The following PPP1R12B variants were observed in gnomAD, a reference collection of about 807,000 sequenced individuals.
The protein encoded by PPP1R12B is myosin phosphatase target subunit 2.
A neutral mutation model predicts 126.1 loss-of-function variants in PPP1R12B; 76 were observed. The observed-to-expected ratio is 0.60, with a 90% CI of 0.50 to 0.73. The LOEUF is 0.73. Among genes scored for constraint, PPP1R12B ranks in the 30% least tolerant of loss-of-function variants. PPP1R12B has a pLI of 0.00. For synonymous variants in PPP1R12B, 356 were observed against 434.7 expected (o/e 0.82, Z 2.25); for missense variants, 1,052 against 1,205.1 (o/e 0.87, Z 1.88).
chr1:202,528,257 T>A (rs1683558932), intron 18 of PPP1R12B, among the ~76,000 whole-genome samples: 1 of 152,202 alleles, frequency 6.6e-6, no homozygotes. Flanking sequence ...ACCAGCCTAG[T>A]TAGTAACATC....
chr1:202,371,494 G>C (rs1262712191), intron 1 of PPP1R12B, among the ~76,000 whole-genome samples: 2 of 152,164 alleles, frequency 1.3e-5, no homozygotes, highest in East Asian at 3.9e-4. Flanking sequence ...GTGTGTGTGT[G>C]TGTGTGTCTG....
chr1:202,559,145 AT>A (rs1408901432), intron 19 of PPP1R12B, among the ~76,000 whole-genome samples: 3 of 152,102 alleles, frequency 2.0e-5, no homozygotes, highest in East Asian at 1.9e-4. Context: ...CACTAGATTA[AT>A]TTTTTTTAAA....
intron 18 of PPP1R12B, among the ~76,000 whole-genome samples, chr1:202,548,196 T>C (rs2148977585): frequency 6.6e-6 from 1 of 152,350 alleles, no homozygotes; most frequent in East Asian, 1.9e-4. Context: ...GTGAAACTAC[T>C]GTCTCTTCTT....
Position 202,493,088 on chromosome 1 carries a change from G to A in PPP1R12B, c.1942-26G>A, listed in dbSNP as rs368891827. The A allele has an allele frequency of 8.1e-6, 13 of 1,599,988 alleles. No homozygotes were observed. The African/African-American group carries it at 1.5e-4, about 18-fold the overall frequency. On this transcript the variant is annotated intron_variant, in intron 14 of 23. Coordinates refer to ENST00000608999, the MANE Select transcript of PPP1R12B (RefSeq NM_002481.4). ...GTTATTCCATGGTTAGTGTGAAACA[G>A]CCCTGATCTTGTGATATTTTCCCAG... is the stretch of plus-strand genomic sequence containing the variant.
chr1:202,428,756 C>G, intron 5 of PPP1R12B, 99 bp from the exon 6 acceptor site: 2 of 1,111,762 alleles, frequency 1.8e-6, no homozygotes, highest in South Asian at 1.5e-5. Context: ...TTATTGGAGT[C>G]AAAGGCAAAA....
At chr1:202,523,040 T>G (rs1370092083) in intron 18 of PPP1R12B, among the ~76,000 whole-genome samples, 1 of 152,234 alleles carries the variant, frequency 6.6e-6, no homozygotes, top group East Asian at 1.9e-4. Flanking sequence ...ACAGCATAAT[T>G]AACCAGCTTA....
intron 10 of PPP1R12B, chr1:202,439,198 C>T (rs905372303): frequency 2.8e-5 from 42 of 1,491,310 alleles, no homozygotes; most frequent in East Asian, 1.4e-4. Context: ...ACCACTACTG[C>T]GCAGCCCTGT....
chr1:202,422,032 A>G (rs1423834178), intron 2 of PPP1R12B, among the ~76,000 whole-genome samples: 1 of 152,240 alleles, frequency 6.6e-6, no homozygotes, highest in Non-Finnish European at 1.5e-5. Context: ...ATCAAAAAGG[A>G]TCTATGTAAG....
intron 1 of PPP1R12B, among the ~76,000 whole-genome samples, chr1:202,403,894 A>G (rs1281959739): frequency 6.6e-6 from 1 of 152,188 alleles, no homozygotes; most frequent in Non-Finnish European, 1.5e-5. Context: ...CATTCTAATA[A>G]GTGACCCTTT....
intron 1 of PPP1R12B, among the ~76,000 whole-genome samples, chr1:202,353,940 A>G (rs1656555059): frequency 6.6e-6 from 1 of 151,982 alleles, no homozygotes; most frequent in South Asian, 2.1e-4. Flanking sequence ...CTCCTGCTGA[A>G]TAACTGTATA....
In PPP1R12B at chr1:202,558,150, AG is replaced by A. The variant is rs570060223; in HGVS notation, c.2491-724del. On this transcript the variant is annotated intron_variant, in intron 18 of 23. Coordinates refer to ENST00000608999, the MANE Select transcript of PPP1R12B (RefSeq NM_002481.4). ...GCCAGAGTTCTTTAAAAAAAAAAAA[AG>A]GGATAGGAGGGTAAAGGTCATCTAC... 3.1e-3 allele frequency among the ~76,000 whole-genome samples: 465 copies of A among 151,778 alleles called. 3 individuals are homozygous for A. The highest frequency in any genetic ancestry group is 0.01 in the African/African-American group (421 of 41,438).
intron 18 of PPP1R12B, among the ~76,000 whole-genome samples, chr1:202,548,776 G>GTC (rs1196499777): frequency 0.07 from 6,739 of 96,650 alleles, 228 homozygotes; most frequent in Middle Eastern, 0.092. Context: ...CTCGCTCGCT[G>GTC]TCTCTCTCTC....
chr1:202,537,154 C>T (rs1011590143), intron 18 of PPP1R12B, among the ~76,000 whole-genome samples: 1 of 152,148 alleles, frequency 6.6e-6, no homozygotes, highest in Non-Finnish European at 1.5e-5. Context: ...CGAGACCATC[C>T]TGGCTAACAT....
chr1:202,367,673 T>C (rs770415854), intron 1 of PPP1R12B, among the ~76,000 whole-genome samples: 4 of 152,202 alleles, frequency 2.6e-5, no homozygotes, highest in Non-Finnish European at 5.9e-5. Context: ...GGCCATGATA[T>C]CTAAAAATTT....
At chr1:202,443,007 C>A in intron 12 of PPP1R12B, 2 of 751,750 alleles carry the variant, frequency 2.7e-6, no homozygotes, top group Non-Finnish European at 3.2e-6. Context: ...TTTTCTATTG[C>A]ATTAAAGAAG....
chr1:202,364,657 A>C (rs929343127), intron 1 of PPP1R12B, among the ~76,000 whole-genome samples: 1 of 151,830 alleles, frequency 6.6e-6, no homozygotes, highest in Non-Finnish European at 1.5e-5. Flanking sequence ...GCTCACTGCA[A>C]GCTCCGCCTC....
chr1:202,377,873 G>A (rs574459263), intron 1 of PPP1R12B, among the ~76,000 whole-genome samples: 1 of 115,630 alleles, frequency 8.6e-6, no homozygotes, highest in African/African-American at 3.6e-5. Context: ...ACGGAGTCTC[G>A]CTGTTGCCCA....
rs1689672357 is a variant in PPP1R12B, at chr1:202,583,791, T to G, written c.*3231T>G. The G allele has an allele frequency of 6.6e-6, 1 of 152,234 alleles. No individual in the cohort carries two copies. Among genetic ancestry groups the G allele is most frequent in the Non-Finnish European group, 1.5e-5 (1 of 68,050 alleles). 9.4% of individuals were successfully genotyped at this position (152,234 alleles called of 1,614,324 possible). On this transcript the variant is annotated 3_prime_UTR_variant, in exon 24 of 24. Transcript: ENST00000608999. Reference sequence around the variant, plus strand: ...CATGAGCACCCCAGGCAGCTCAAGCTGAATAAATAGCTGCAGACATGGCCA... The same window carrying G: ...CATGAGCACCCCAGGCAGCTCAAGCGGAATAAATAGCTGCAGACATGGCCA...
intron 18 of PPP1R12B, among the ~76,000 whole-genome samples, chr1:202,504,978 G>A (rs530782475): frequency 3.3e-5 from 5 of 152,146 alleles, no homozygotes; most frequent in South Asian, 2.1e-4. Context: ...TAAGGCTTTC[G>A]GAATACTTTT....
Sources: gnomAD v4.1 joint callset for allele counts (sites outside exome capture counted in the v4.1 genomes callset) on GRCh38, gnomAD v4.1.1 for gene constraint, MANE v1.5 for transcripts, NCBI Gene and HGNC (gene_info 2026-07-23, HGNC 2026-07-21) for gene names.